Variants in MGMT observed in about 807,000 individuals in gnomAD.
The protein encoded by MGMT is methylated-DNA--protein-cysteine methyltransferase.
In MGMT, 14 loss-of-function variants were observed where a neutral mutation model predicts 15.9. The ratio of observed to expected loss-of-function variants is 0.88; its 90% CI spans 0.58 to 1.37. The LOEUF is 1.37. MGMT is among the 40% of genes most tolerant of loss of function. The pLI is 0.00. For synonymous variants in MGMT, 130 were observed against 118.2 expected, an observed-to-expected ratio of 1.10 and a Z score of -0.65; for missense variants, 282 against 268.1, an observed-to-expected ratio of 1.05 and a Z score of -0.36.
chr10:129,719,415 G>A (rs920110283), intron 3 of MGMT, among the ~76,000 whole-genome samples: 9 of 152,232 alleles, frequency 5.9e-5, no homozygotes, highest in African/African-American at 2.2e-4. Context: ...TGTGCAGGCT[G>A]CCAAAACAAA....
chr10:129,542,421 A>G (rs911030429), intron 2 of MGMT, among the ~76,000 whole-genome samples: 11 of 152,182 alleles, frequency 7.2e-5, no homozygotes, highest in African/African-American at 1.7e-4. Flanking sequence ...TGGGAAATTA[A>G]TACAGACACT....
chr10:129,740,340 G>C (rs1448299375), intron 3 of MGMT, among the ~76,000 whole-genome samples: 3 of 152,168 alleles, frequency 2.0e-5, no homozygotes, highest in African/African-American at 7.2e-5. Context: ...GAGGCCATCT[G>C]GGGGTAGCAC....
chr10:129,643,933 C>T (rs1287159386), intron 2 of MGMT, among the ~76,000 whole-genome samples: 1 of 152,114 alleles, frequency 6.6e-6, no homozygotes, highest in Non-Finnish European at 1.5e-5. Flanking sequence ...TCCCAAACTA[C>T]CTGTTCTTTC....
At chr10:129,715,259 A>G (rs2133149028) in intron 3 of MGMT, among the ~76,000 whole-genome samples, 1 of 152,386 alleles carries the variant, frequency 6.6e-6, no homozygotes, top group African/African-American at 2.4e-5. Context: ...GATGGCTTCT[A>G]TTAAAAATTA....
chr10:129,527,460 G>A (rs954629900), intron 1 of MGMT, among the ~76,000 whole-genome samples: 6 of 152,314 alleles, frequency 3.9e-5, no homozygotes, highest in East Asian at 1.9e-4. Flanking sequence ...TCTCTGCCCC[G>A]TGTGTTCCCT....
intron 2 of MGMT, among the ~76,000 whole-genome samples, chr10:129,676,140 A>C (rs1456734445): frequency 6.6e-6 from 1 of 152,174 alleles, no homozygotes; most frequent in Admixed American, 6.5e-5. Flanking sequence ...GGGTGAAGCC[A>C]CCATCCTGTG....
At chr10:129,727,821 C>CTGTGT (rs1848450461) in intron 3 of MGMT, among the ~76,000 whole-genome samples, 1 of 152,222 alleles carries the variant, frequency 6.6e-6, no homozygotes, top group East Asian at 1.9e-4. Context: ...TAGCCTTCAG[C>CTGTGT]TGTGTGGGCT....
At chr10:129,626,351 C>T (rs1035008956) in intron 2 of MGMT, among the ~76,000 whole-genome samples, 15 of 152,176 alleles carry the variant, frequency 9.9e-5, no homozygotes, top group African/African-American at 3.6e-4. Context: ...TAAGCACTGG[C>T]AGAACACCAC....
At chr10:129,683,237 G>T (rs946971682) in intron 2 of MGMT, among the ~76,000 whole-genome samples, 2 of 152,216 alleles carry the variant, frequency 1.3e-5, no homozygotes, top group African/African-American at 2.4e-5. Context: ...CCCATTTCCA[G>T]TGCAAGTGCC....
intron 1 of MGMT, among the ~76,000 whole-genome samples, chr10:129,494,958 G>T (rs1845505650): frequency 6.6e-6 from 1 of 152,144 alleles, no homozygotes; most frequent in African/African-American, 2.4e-5. Context: ...GAATTTGCCT[G>T]AACAAGACAC....
intron 2 of MGMT, among the ~76,000 whole-genome samples, chr10:129,564,324 C>CCCTTCCTCCTCCTCTTCCCCCT (rs1846321111): frequency 4.6e-5 from 2 of 43,506 alleles, no homozygotes; most frequent in Non-Finnish European, 9.6e-5. Flanking sequence ...CTTCCTCCCC[C>CCCTTCCTCCTCCTCTTCCCCCT]CTCTTTCCTC....
Position 129,573,908 on chromosome 10 carries a change from A to G in MGMT, c.125+37531A>G, listed in dbSNP as rs1213607337. Among the ~76,000 whole-genome samples, 4 of 152,234 alleles carry G rather than the reference A, an allele frequency of 2.6e-5. No individual in the cohort carries two copies. In the East Asian group the frequency reaches 7.7e-4, roughly 29 times the overall value. ...TAGATTCTAAATAAGTGACTTTGTG[A>G]GAATTGAATTTTTATATCATTAACC... On this transcript the variant is annotated intron_variant, in intron 2 of 4. Coordinates refer to ENST00000651593, the MANE Select transcript of MGMT (RefSeq NM_002412.5).
intron 2 of MGMT, among the ~76,000 whole-genome samples, chr10:129,599,197 T>G (rs1846788469): frequency 6.6e-6 from 1 of 152,192 alleles, no homozygotes; most frequent in Non-Finnish European, 1.5e-5. Flanking sequence ...TGAACATGGT[T>G]TGAACAGTCA....
At chr10:129,639,520 A>G (rs1344971067) in intron 2 of MGMT, among the ~76,000 whole-genome samples, 3 of 152,242 alleles carry the variant, frequency 2.0e-5, no homozygotes, top group African/African-American at 7.2e-5. Flanking sequence ...TGTAATTAAC[A>G]TTTCTGGAAT....
intron 3 of MGMT, among the ~76,000 whole-genome samples, chr10:129,714,920 G>A (rs144296169): frequency 0.011 from 1,707 of 152,232 alleles, 86 homozygotes; most frequent in Admixed American, 0.091. Flanking sequence ...ACTAATCAGC[G>A]ATCCCACAAT....
At chr10:129,649,357 C>A (rs1847431648) in intron 2 of MGMT, among the ~76,000 whole-genome samples, 1 of 151,652 alleles carries the variant, frequency 6.6e-6, no homozygotes, top group Non-Finnish European at 1.5e-5. Flanking sequence ...CGTGGTAATG[C>A]AAACTTAGAA....
chr10:129,513,162 A>G (rs1845702793), intron 1 of MGMT, among the ~76,000 whole-genome samples: 1 of 152,200 alleles, frequency 6.6e-6, no homozygotes, highest in African/African-American at 2.4e-5. Context: ...AAGGACAAGT[A>G]CTATATGGGT....
intron 2 of MGMT, among the ~76,000 whole-genome samples, chr10:129,653,243 A>T (rs976631265): frequency 6.6e-6 from 1 of 152,254 alleles, no homozygotes; most frequent in Non-Finnish European, 1.5e-5. Context: ...CTCTGGAGTT[A>T]ACTGTCAAAT....
chr10:129,496,595 T>G (rs1237476392), intron 1 of MGMT, among the ~76,000 whole-genome samples: 1 of 152,100 alleles, frequency 6.6e-6, no homozygotes, highest in Non-Finnish European at 1.5e-5. Context: ...CTCAGGGTGG[T>G]GCACTCTGGG....
Sources: allele counts gnomAD v4.1 joint callset (sites outside exome capture counted in the v4.1 genomes callset), GRCh38; gene constraint gnomAD v4.1.1; transcripts MANE v1.5; gene names NCBI Gene and HGNC (gene_info 2026-07-23, HGNC 2026-07-21).